TRIP11: variants seen among roughly 807,000 people sequenced by gnomAD.
TRIP11 encodes the protein thyroid receptor-interacting protein 11.
TRIP11 carries 148 observed loss-of-function variants against 223.1 expected under a neutral mutation model. The ratio of observed to expected loss-of-function variants is 0.66; its 90% CI spans 0.58 to 0.76. TRIP11 has a LOEUF of 0.76. Among genes scored for constraint, TRIP11 ranks in the 30% least tolerant of loss-of-function variants. The probability of loss-of-function intolerance (pLI) is 0.00; values close to 1 mark genes in which losing one functional copy is unlikely to be tolerated. For missense variants in TRIP11, 2,043 were observed against 2,222.0 expected (o/e 0.92, Z 1.62); for synonymous variants, 762 against 772.6 (o/e 0.99, Z 0.23).
chr14:92,022,921 G>A (rs1412351280), intron 3 of TRIP11, among the ~76,000 whole-genome samples: 1 of 152,042 alleles, frequency 6.6e-6, no homozygotes, highest in Non-Finnish European at 1.5e-5. Context: ...ATTCCATCTT[G>A]GAGAATATGA....
At chr14:92,010,707 C>T (rs965689384) in intron 9 of TRIP11, among the ~76,000 whole-genome samples, 1 of 151,944 alleles carries the variant, frequency 6.6e-6, no homozygotes, top group African/African-American at 2.4e-5. Flanking sequence ...TTCCTGCTGT[C>T]AGGACATCAT....
At position 92,004,098 on chromosome 14, in the gene TRIP11, T is replaced by C. The variant is rs1453120274; in HGVS notation, c.3878A>G (p.His1293Arg). The C allele has an allele frequency of 2.5e-6, 4 of 1,614,104 alleles. No homozygotes were observed. Among genetic ancestry groups the C allele is most frequent in the Non-Finnish European group, 3.4e-6 (4 of 1,180,038 alleles). Residue 1293 changes from histidine to arginine, a missense_variant, in exon 11 of 21, where the codon CAC becomes CGC. By Grantham distance (29) the His-to-Arg change is conservative. Transcript: ENST00000267622. ...NFGQELAQVQ[H>R]SIGQLCNTKD... ...GGTATTGCAAAGCTGCCCAATGCTG[T>C]GCTGAACTTGTGCTAATTCCTGCCC...
intron 4 of TRIP11, among the ~76,000 whole-genome samples, chr14:92,018,933 C>G (rs572488807): frequency 1.5e-5 from 2 of 137,412 alleles, no homozygotes; most frequent in Non-Finnish European, 3.0e-5. Flanking sequence ...TGCACTCCAG[C>G]CTGGTAGACA....
At chr14:91,993,652 G>A (rs181519629) in intron 15 of TRIP11, among the ~76,000 whole-genome samples, 157 bp downstream of exon 15, 235 of 152,126 alleles carry the variant, frequency 1.5e-3, no homozygotes, top group Middle Eastern at 6.8e-3. Context: ...GGGAAATCCT[G>A]GGTATCTTGT....
At chr14:92,024,305 A>C (rs1338164593) in intron 3 of TRIP11, among the ~76,000 whole-genome samples, 1 of 149,856 alleles carries the variant, frequency 6.7e-6, no homozygotes, top group Non-Finnish European at 1.5e-5. Context: ...CGGGATGCAG[A>C]GGTTGCAGTG....
intron 2 of TRIP11, among the ~76,000 whole-genome samples, chr14:92,029,004 T>C (rs2057225081): frequency 6.6e-6 from 1 of 152,184 alleles, no homozygotes; most frequent in Non-Finnish European, 1.5e-5. Flanking sequence ...TTTTCAAAAA[T>C]AGAATAAAAC....
rs991023186 is a variant in TRIP11 at position 91,978,995 on chromosome 14, G to A, written c.5261-2806C>T. ...AGAGAGGCTGGGCGCAGTGGCTCAC[G>A]CTTGTAATCCCAGTGCTTTGCGAGG... On this transcript the variant is annotated intron_variant, in intron 16 of 20. Coordinates refer to ENST00000267622, the MANE Select transcript of TRIP11 (RefSeq NM_004239.4). The surrounding 1 kb of genome is among the most constrained non-coding windows in gnomAD (Gnocchi z 4.4). 2.0e-5 allele frequency among the ~76,000 whole-genome samples: 3 copies of A among 152,036 alleles called. No individual in the cohort carries two copies. Among genetic ancestry groups the A allele is most frequent in the Admixed American group, 6.5e-5 (1 of 15,268 alleles).
At position 91,974,560 on chromosome 14, in the gene TRIP11, T is replaced by G. The variant is rs2056439568; in HGVS notation, c.5574+67A>C. On this transcript the variant is annotated intron_variant, in intron 19 of 20. Transcript: ENST00000267622. Reference sequence around the variant, plus strand: ...TAATTTTAAAAAAAAATCTGATTCTTTGCAAATGAATGTAATATACAGTCA... The same window carrying G: ...TAATTTTAAAAAAAAATCTGATTCTGTGCAAATGAATGTAATATACAGTCA... 5 of 1,279,876 alleles carry G rather than the reference T, an allele frequency of 3.9e-6. No individual in the cohort carries two copies. The Admixed American group carries it at 5.2e-5, about 13-fold the overall frequency. 79.3% of individuals were successfully genotyped at this position (1,279,876 alleles called of 1,614,324 possible).
chr14:92,014,000 T>C (rs1303471159), intron 7 of TRIP11, among the ~76,000 whole-genome samples: 1 of 152,230 alleles, frequency 6.6e-6, no homozygotes, highest in South Asian at 2.1e-4. Flanking sequence ...ACAGAAAGTA[T>C]AGCAATACCT....
chr14:92,020,681 C>G (rs1168083445), intron 4 of TRIP11, among the ~76,000 whole-genome samples: 2 of 150,802 alleles, frequency 1.3e-5, no homozygotes, highest in Non-Finnish European at 3.0e-5. Flanking sequence ...AAAAAAGGAT[C>G]TGTTGCTTTT....
At chr14:92,028,368 T>A (rs2057216501) in intron 2 of TRIP11, among the ~76,000 whole-genome samples, 1 of 152,054 alleles carries the variant, frequency 6.6e-6, no homozygotes, top group Non-Finnish European at 1.5e-5. Context: ...AAGACCAGCC[T>A]GGGCAACATA....
At chr14:91,972,964 C>A in intron 19 of TRIP11, 103 bp from the exon 20 acceptor site, 1 of 986,254 alleles carries the variant, frequency 1.0e-6, no homozygotes. Context: ...AAAAATTAAT[C>A]ATGCCACTTG....
chr14:92,010,471 G>A (rs112985368), intron 9 of TRIP11, among the ~76,000 whole-genome samples: 11,068 of 151,852 alleles, frequency 0.073, 544 homozygotes, highest in Non-Finnish European at 0.11. Flanking sequence ...CGGAGGTTGC[G>A]GTGACCCGAG....
intron 14 of TRIP11, among the ~76,000 whole-genome samples, chr14:91,994,505 A>C (rs1595379076): frequency 6.6e-6 from 1 of 152,218 alleles, no homozygotes; most frequent in East Asian, 1.9e-4. Context: ...TGGCCTCCCA[A>C]AGTGCTGGGA....
chr14:91,999,052 A>G (rs2087812961), intron 13 of TRIP11, among the ~76,000 whole-genome samples, 188 bp downstream of exon 13: 1 of 152,204 alleles, frequency 6.6e-6, no homozygotes, highest in Non-Finnish European at 1.5e-5. Flanking sequence ...CTCAAATGTG[A>G]AACCCCCACA....
Position 91,988,376 on chromosome 14 carries a change from A to G in TRIP11, c.5168T>C (p.Leu1723Ser), listed in dbSNP as rs2056629170. ...ATCCAATGCAGCATTTGCTTCATCC[A>G]AACATTCCTGAGAAAGAAAACTTTA... ...EGKVISLQEC[L>S]DEANAALDSA... Residue 1723 changes from leucine (L) to serine (S), a missense_variant, in exon 16 of 21, where the codon TTG (leucine) becomes TCG (serine). Coordinates refer to ENST00000267622, the MANE Select transcript of TRIP11 (RefSeq NM_004239.4). 6.2e-7 allele frequency: 1 copy of G among 1,613,512 alleles called. No homozygotes were observed. Among genetic ancestry groups the G allele is most frequent in the South Asian group, 1.1e-5 (1 of 91,022 alleles).
chr14:91,989,469 C>T (rs2056646476), intron 15 of TRIP11, among the ~76,000 whole-genome samples: 1 of 150,430 alleles, frequency 6.6e-6, no homozygotes, highest in South Asian at 2.1e-4. Context: ...CTGGATTCTC[C>T]TTAATCCACT....
chr14:92,007,103 G>A (rs1308728367), intron 10 of TRIP11, among the ~76,000 whole-genome samples: 2 of 149,138 alleles, frequency 1.3e-5, no homozygotes, highest in Admixed American at 1.3e-4. Context: ...TCGGCTCACT[G>A]TAACCTCTGC....
chr14:91,995,253 A>G lies in TRIP11; in HGVS notation c.5056+99T>C, dbSNP rs1238477309. ...CCCCTCTACCAGTGGGTAACCTTTC[A>G]GAGATTTCCCCGTGCCTCATCTAAA... On this transcript the variant is annotated intron_variant, in intron 14 of 20. Transcript: ENST00000267622. The G allele has an allele frequency of 1.6e-5, 23 of 1,453,144 alleles. No homozygotes were observed. The East Asian group carries it at 4.6e-4, about 29-fold the overall frequency. 90.0% of individuals were successfully genotyped at this position (1,453,144 alleles called of 1,614,324 possible). A position where few individuals can be genotyped will look rare whatever the true frequency, so the allele number is the denominator to read the frequency against.
Sources: gnomAD v4.1 joint callset for allele counts (sites outside exome capture counted in the v4.1 genomes callset) on GRCh38, gnomAD v4.1.1 for gene constraint, Gnocchi (gnomAD v3.1) non-coding constraint, MANE v1.5 for transcripts, NCBI Gene and HGNC (gene_info 2026-07-23, HGNC 2026-07-21) for gene names.